RASAL2: variants seen among roughly 807,000 people sequenced by gnomAD.
The protein encoded by RASAL2 is RAS protein activator like 2, also known as ras GTPase-activating protein nGAP.
RASAL2 carries 58 observed loss-of-function variants against 128.9 expected under a neutral mutation model. That is an observed-to-expected ratio of 0.45 (90% CI 0.36 to 0.56). The LOEUF is 0.56. Ranked by LOEUF, RASAL2 falls within the 20% of genes least tolerant of loss-of-function variation. The pLI is 0.00. For missense variants in RASAL2, 1,360 were observed against 1,601.6 expected, an observed-to-expected ratio of 0.85 and a Z score of 2.57; for synonymous variants, 561 against 580.8, an observed-to-expected ratio of 0.97 and a Z score of 0.49.
intron 2 of RASAL2, among the ~76,000 whole-genome samples, chr1:178,286,578 T>TG (rs1667037057): frequency 6.6e-6 from 1 of 152,060 alleles, no homozygotes; most frequent in Admixed American, 6.5e-5. Flanking sequence ...GCCCAGCTAA[T>TG]TTTTTGTATT....
At chr1:178,283,981 A>G (rs1666906359) in intron 2 of RASAL2, among the ~76,000 whole-genome samples, 1 of 152,164 alleles carries the variant, frequency 6.6e-6, no homozygotes. Flanking sequence ...GGCCCTGCAA[A>G]TGATCTCGAG....
intron 1 of RASAL2, among the ~76,000 whole-genome samples, chr1:178,175,239 T>G (rs1344651477): frequency 6.6e-6 from 1 of 152,150 alleles, no homozygotes; most frequent in Non-Finnish European, 1.5e-5. Context: ...TAATTTAACT[T>G]TGAACATTTT....
At chr1:178,196,946 A>G (rs1308739360) in intron 1 of RASAL2, among the ~76,000 whole-genome samples, 2 of 152,246 alleles carry the variant, frequency 1.3e-5, no homozygotes, top group Non-Finnish European at 2.9e-5. Flanking sequence ...CATGTAGAGC[A>G]ATAGGAATTC....
intron 3 of RASAL2, among the ~76,000 whole-genome samples, chr1:178,352,723 G>T (rs1468370981): frequency 6.6e-6 from 1 of 152,216 alleles, no homozygotes; most frequent in Non-Finnish European, 1.5e-5. Flanking sequence ...CCTGCATTAG[G>T]CTTCTGTCTG....
chr1:178,293,629 T>G (rs1667375225), intron 2 of RASAL2, among the ~76,000 whole-genome samples: 1 of 152,236 alleles, frequency 6.6e-6, no homozygotes, highest in African/African-American at 2.4e-5. Flanking sequence ...AGTCATATAC[T>G]TACCAGCTTC....
chr1:178,200,940 G>A (rs1488443003), intron 1 of RASAL2, among the ~76,000 whole-genome samples: 1 of 152,138 alleles, frequency 6.6e-6, no homozygotes, highest in Non-Finnish European at 1.5e-5. Flanking sequence ...GGCGTCCCCT[G>A]AGGCCGGTGC....
intron 2 of RASAL2, among the ~76,000 whole-genome samples, chr1:178,296,922 T>TCAGCCCCCCAA (rs1193953663): frequency 2.0e-5 from 3 of 152,094 alleles, no homozygotes; most frequent in African/African-American, 7.2e-5. Context: ...TCTACTCACC[T>TCAGCCCCCCAA]CAGCCTCCCA....
At chr1:178,372,718 CA>C (rs1371787698) in intron 3 of RASAL2, among the ~76,000 whole-genome samples, 1 of 152,040 alleles carries the variant, frequency 6.6e-6, no homozygotes, top group Non-Finnish European at 1.5e-5. Context: ...CATGAAAAGC[CA>C]ATGTACAAAT....
At chr1:178,436,514 A>G (rs1444230378) in intron 5 of RASAL2, among the ~76,000 whole-genome samples, 1 of 152,114 alleles carries the variant, frequency 6.6e-6, no homozygotes. Flanking sequence ...ATCTTTCTGT[A>G]AAAGAAGAAA....
intron 1 of RASAL2, among the ~76,000 whole-genome samples, chr1:178,111,207 G>C (rs1216839839): frequency 6.6e-6 from 1 of 151,900 alleles, no homozygotes; most frequent in Non-Finnish European, 1.5e-5. Context: ...TTTAGTTTTT[G>C]ACTATGACAG....
At chr1:178,220,398 G>A (rs781615697) in intron 1 of RASAL2, among the ~76,000 whole-genome samples, 4 of 152,080 alleles carry the variant, frequency 2.6e-5, no homozygotes, top group Non-Finnish European at 4.4e-5. Flanking sequence ...GCTATCTTAC[G>A]TAGGTTTGTG....
At chr1:178,385,241 C>T (rs1255122626) in intron 3 of RASAL2, among the ~76,000 whole-genome samples, 2 of 151,964 alleles carry the variant, frequency 1.3e-5, no homozygotes, top group African/African-American at 4.8e-5. Context: ...TCATTTGAGC[C>T]CAGGAGTTAG....
chr1:178,174,978 A>G (rs73051428), intron 1 of RASAL2, among the ~76,000 whole-genome samples: 2,057 of 152,290 alleles, frequency 0.014, 48 homozygotes, highest in African/African-American at 0.046. Flanking sequence ...TTTTACTGTA[A>G]TGTACTAAGA....
In RASAL2 at chr1:178,442,764, G is replaced by A. The variant is rs376589945; in HGVS notation, c.1017G>A (p.Leu339=). 2.5e-6 allele frequency: 4 copies of A among 1,613,762 alleles called. No homozygotes were observed. The highest frequency in any genetic ancestry group is 2.7e-5 in the African/African-American group (2 of 74,848). Reference sequence around the variant, plus strand: ...CTAAAAAGAAATATTTCTGCGAACTGTGCCTTGATGATACCCTCTTTGCTC... The same window carrying A: ...CTAAAAAGAAATATTTCTGCGAACTATGCCTTGATGATACCCTCTTTGCTC... ...LAPKKKYFCE[L]CLDDTLFART... Residue 339 remains leucine (L), a synonymous_variant, in exon 8 of 18, where the codon CTG becomes CTA. Transcript: ENST00000367649.
At chr1:178,330,304 T>C (rs1428516784) in intron 3 of RASAL2, among the ~76,000 whole-genome samples, 1 of 152,218 alleles carries the variant, frequency 6.6e-6, no homozygotes, top group Non-Finnish European at 1.5e-5. Flanking sequence ...TTGTAATATA[T>C]ATCTAAGATT....
At chr1:178,262,129 A>G (rs779924648) in intron 1 of RASAL2, among the ~76,000 whole-genome samples, 20 of 152,136 alleles carry the variant, frequency 1.3e-4, no homozygotes, top group South Asian at 2.1e-4. Context: ...CAAGTATATT[A>G]TTTGGAGGAA....
At chr1:178,397,421 G>A (rs529250317) in intron 4 of RASAL2, among the ~76,000 whole-genome samples, 65 of 152,258 alleles carry the variant, frequency 4.3e-4, no homozygotes, top group African/African-American at 1.5e-3. Flanking sequence ...GTTCAGAATA[G>A]GCAAATCTAT....
At chr1:178,266,935 C>T (rs1239553113) in intron 1 of RASAL2, among the ~76,000 whole-genome samples, 6 of 152,148 alleles carry the variant, frequency 3.9e-5, no homozygotes, top group East Asian at 3.9e-4. Flanking sequence ...GGGTAGGAAT[C>T]GCCATGCTGG....
rs758513941 is a variant in RASAL2 at position 178,473,185 on chromosome 1, C to T, written c.3789C>T (p.Asn1263=). The part of the protein sequence containing the change: ...MQVRNGISPT[N]PTKLSITENG... ...TCCGCAATGGCATCTCCCCCACCAA[C>T]CCCACCAAGCTTTCCATCACGGAGA... Residue 1263 remains asparagine, a synonymous_variant, in exon 18 of 18, where the codon AAC becomes AAT. Coordinates refer to ENST00000367649, the MANE Select transcript of RASAL2 (RefSeq NM_170692.4). The T allele has an allele frequency of 6.2e-7, 1 of 1,614,198 alleles. No homozygotes were observed. The highest frequency in any genetic ancestry group is 1.7e-5 in the Admixed American group (1 of 60,028).
Sources: gnomAD v4.1 joint callset for allele counts (sites outside exome capture counted in the v4.1 genomes callset) on GRCh38, gnomAD v4.1.1 for gene constraint, MANE v1.5 for transcripts, NCBI Gene and HGNC (gene_info 2026-07-23, HGNC 2026-07-21) for gene names.